Variants in FOXN3 observed in about 807,000 individuals in gnomAD.
FOXN3 encodes forkhead box protein N3.
A neutral mutation model predicts 38.4 loss-of-function variants in FOXN3; 7 were observed. The observed-to-expected ratio is 0.18, with a 90% CI of 0.10 to 0.34. FOXN3 has a LOEUF of 0.34. FOXN3 is among the 10% of genes least tolerant of loss of function. The pLI is 1.00. For missense variants in FOXN3, 456 were observed against 613.4 expected, an observed-to-expected ratio of 0.74 and a Z score of 2.71; for synonymous variants, 230 against 242.2, an observed-to-expected ratio of 0.95 and a Z score of 0.47.
chr14:89,327,440 G>C (rs1205061300), intron 3 of FOXN3, among the ~76,000 whole-genome samples: 1 of 152,114 alleles, frequency 6.6e-6, no homozygotes, highest in Non-Finnish European at 1.5e-5. Context: ...AAACTGGGCA[G>C]GAAACTGACC....
At chr14:89,287,246 C>A (rs147516960) in intron 3 of FOXN3, among the ~76,000 whole-genome samples, 2 of 152,038 alleles carry the variant, frequency 1.3e-5, no homozygotes, top group Non-Finnish European at 2.9e-5. Context: ...CTCTGCCTCC[C>A]GGGTTCAAGC....
Position 89,266,757 on chromosome 14 carries a change from C to T in FOXN3, c.745+14193G>A, listed in dbSNP as rs551602908. Among the ~76,000 whole-genome samples the T allele has an allele frequency of 3.6e-4, 55 of 152,242 alleles. 1 individual carries two copies. Among genetic ancestry groups the T allele is most frequent in the African/African-American group, 8.4e-4 (35 of 41,562 alleles). ...GTCAGGGAAGACTCTGCTGCTTATA[C>T]GAGAGGCTGCTGTTGCTGCCTCTCT... On this transcript the variant is annotated intron_variant, in intron 4 of 5. Transcript: ENST00000557258.
intron 3 of FOXN3, among the ~76,000 whole-genome samples, chr14:89,320,377 A>G (rs2139971482): frequency 6.6e-6 from 1 of 152,386 alleles, no homozygotes; most frequent in South Asian, 2.1e-4. Flanking sequence ...AAAGGTTTGT[A>G]ACCAGGGTAC....
At chr14:89,335,536 A>C (rs1888424632) in intron 3 of FOXN3, among the ~76,000 whole-genome samples, 1 of 152,244 alleles carries the variant, frequency 6.6e-6, no homozygotes, top group South Asian at 2.1e-4. Context: ...TTTAGAGCTT[A>C]ATTTTTATAC....
At chr14:89,219,209 C>G (rs1339247201) in intron 4 of FOXN3, among the ~76,000 whole-genome samples, 1 of 152,094 alleles carries the variant, frequency 6.6e-6, no homozygotes, top group African/African-American at 2.4e-5. Context: ...CATCTCGTGA[C>G]AGTGAGTTCT....
chr14:89,491,766 C>T (rs1265490880), intron 1 of FOXN3, among the ~76,000 whole-genome samples: 1 of 152,154 alleles, frequency 6.6e-6, no homozygotes. Flanking sequence ...TTAGTCATTC[C>T]ACCTTGCCAC....
At chr14:89,341,217 C>A (rs182492890) in intron 3 of FOXN3, among the ~76,000 whole-genome samples, 2 of 152,278 alleles carry the variant, frequency 1.3e-5, no homozygotes, top group African/African-American at 2.4e-5. Context: ...ACCCACCCAA[C>A]AACTCTAGCA....
rs1170347211 is a variant in FOXN3 at position 89,484,465 on chromosome 14, A to G, written c.-14-71975T>C. 6.6e-6 allele frequency among the ~76,000 whole-genome samples: 1 copy of G among 152,184 alleles called. No homozygotes were observed. On this transcript the variant is annotated intron_variant, in intron 1 of 6. Coordinates refer to the FOXN3 transcript ENST00000345097. This position sits in a 1 kb window ranked among gnomAD's most constrained non-coding sequence, Gnocchi z 4.0. Reference sequence around the variant, plus strand: ...ACACTGAAATTTGCATTCCATATACATTTCATAAGGCACAAAATTTTATTC... The same window carrying G: ...ACACTGAAATTTGCATTCCATATACGTTTCATAAGGCACAAAATTTTATTC...
intron 5 of FOXN3, among the ~76,000 whole-genome samples, chr14:89,178,230 C>G (rs982091136): frequency 1.3e-5 from 2 of 151,470 alleles, no homozygotes; most frequent in Non-Finnish European, 2.9e-5. Flanking sequence ...AGGCTGGTCT[C>G]AAATTCCTGA....
At chr14:89,193,182 C>T (rs1566925766) in intron 4 of FOXN3, among the ~76,000 whole-genome samples, 1 of 152,006 alleles carries the variant, frequency 6.6e-6, no homozygotes, top group East Asian at 1.9e-4. Flanking sequence ...ATGGTCCCTG[C>T]CTCCGCAGGT....
At chr14:89,219,321 G>T (rs1445781778) in intron 4 of FOXN3, among the ~76,000 whole-genome samples, 2 of 152,162 alleles carry the variant, frequency 1.3e-5, no homozygotes, top group African/African-American at 4.8e-5. Flanking sequence ...TGCCACCATT[G>T]TAAGTTTCCT....
intron 1 of FOXN3, among the ~76,000 whole-genome samples, chr14:89,604,352 G>T (rs1286464428): frequency 6.6e-6 from 1 of 151,850 alleles, no homozygotes; most frequent in African/African-American, 2.4e-5. Context: ...GGCCAACAAA[G>T]ACTTCAAACT....
At chr14:89,577,658 G>A (rs1895661866) in intron 1 of FOXN3, among the ~76,000 whole-genome samples, 1 of 152,070 alleles carries the variant, frequency 6.6e-6, no homozygotes, top group African/African-American at 2.4e-5. Flanking sequence ...CACTCCTTCT[G>A]TTCTCTAGGA....
chr14:89,248,656 T>C (rs1885366595), intron 4 of FOXN3, among the ~76,000 whole-genome samples: 2 of 152,266 alleles, frequency 1.3e-5, no homozygotes, highest in Non-Finnish European at 2.9e-5. Context: ...TGCTTTCACT[T>C]GGTGGGGAAC....
intron 2 of FOXN3, among the ~76,000 whole-genome samples, chr14:89,354,441 G>A (rs1426097273): frequency 3.3e-5 from 5 of 150,696 alleles, no homozygotes; most frequent in Admixed American, 2.6e-4. Flanking sequence ...GGCCAGGCTG[G>A]TCTCAAACTC....
intron 4 of FOXN3, among the ~76,000 whole-genome samples, chr14:89,274,892 G>A (rs994155121): frequency 1.2e-4 from 19 of 152,194 alleles, no homozygotes; most frequent in Non-Finnish European, 2.1e-4. Context: ...CCAAACAGAT[G>A]GGCAAGAGGA....
chr14:89,193,242 G>T (rs976726575), intron 4 of FOXN3, among the ~76,000 whole-genome samples: 2 of 149,870 alleles, frequency 1.3e-5, no homozygotes, highest in African/African-American at 2.5e-5. Context: ...GCTGGGCCCA[G>T]AACAAGAAGA....
intron 3 of FOXN3, among the ~76,000 whole-genome samples, chr14:89,303,308 C>T (rs1255526085): frequency 6.6e-6 from 1 of 152,016 alleles, no homozygotes; most frequent in Non-Finnish European, 1.5e-5. Context: ...CTCCTGTCTT[C>T]TTCCTGCCTC....
intron 3 of FOXN3, among the ~76,000 whole-genome samples, chr14:89,326,995 C>T (rs61049379): frequency 0.12 from 18,859 of 152,208 alleles, 1,246 homozygotes; most frequent in African/African-American, 0.17. Context: ...CACACACGCA[C>T]CACCCAACCC....
Sources: gnomAD v4.1 joint callset for allele counts (sites outside exome capture counted in the v4.1 genomes callset) on GRCh38, gnomAD v4.1.1 for gene constraint, Gnocchi (gnomAD v3.1) non-coding constraint, MANE v1.5 for transcripts, NCBI Gene and HGNC (gene_info 2026-07-23, HGNC 2026-07-21) for gene names.